Variants in SKAP2 observed in about 807,000 individuals in gnomAD.
SKAP2 encodes src kinase associated phosphoprotein 2.
SKAP2 carries 28 observed loss-of-function variants against 54.9 expected under a neutral mutation model. The observed-to-expected ratio is 0.51, with a 90% CI of 0.38 to 0.70. The LOEUF (loss-of-function observed/expected upper bound fraction) is 0.70. SKAP2 is among the 30% of genes least tolerant of loss of function. SKAP2 has a pLI of 0.00. For missense variants in SKAP2, 356 were observed against 424.1 expected, an observed-to-expected ratio of 0.84 and a Z score of 1.41; for synonymous variants, 137 against 134.3, an observed-to-expected ratio of 1.02 and a Z score of -0.14.
chr7:26,807,343 C>T (rs532018363), intron 4 of SKAP2, among the ~76,000 whole-genome samples: 4 of 152,234 alleles, frequency 2.6e-5, no homozygotes, highest in African/African-American at 9.6e-5. Context: ...ATTGGATCAT[C>T]GGGGAAGTGG....
chr7:26,789,650 C>T (rs959302521), intron 4 of SKAP2, among the ~76,000 whole-genome samples: 1 of 152,100 alleles, frequency 6.6e-6, no homozygotes, highest in African/African-American at 2.4e-5. Flanking sequence ...TCATCATAGG[C>T]CGCCAAATAT....
At chr7:26,764,438 G>A (rs999858927) in intron 4 of SKAP2, among the ~76,000 whole-genome samples, 2 of 151,778 alleles carry the variant, frequency 1.3e-5, no homozygotes, top group African/African-American at 2.4e-5. Context: ...TAAAATGAGA[G>A]GCATAGACTA....
intron 9 of SKAP2, among the ~76,000 whole-genome samples, chr7:26,693,094 G>A (rs974468993): frequency 5.9e-5 from 9 of 152,088 alleles, no homozygotes; most frequent in African/African-American, 1.9e-4. Flanking sequence ...CACTTTGAGA[G>A]GCCCAGGCGG....
intron 4 of SKAP2, among the ~76,000 whole-genome samples, chr7:26,811,639 A>AT (rs1318072069): frequency 2.0e-5 from 3 of 152,280 alleles, no homozygotes; most frequent in African/African-American, 7.2e-5. Context: ...AATAAAACAG[A>AT]TCCCCCCTCC....
chr7:26,772,230 T>A (rs1783203775), intron 4 of SKAP2, among the ~76,000 whole-genome samples: 1 of 152,190 alleles, frequency 6.6e-6, no homozygotes. Flanking sequence ...CACTTTGTTT[T>A]TTCACCTTTT....
intron 4 of SKAP2, among the ~76,000 whole-genome samples, chr7:26,777,933 G>A (rs1783347423): frequency 6.6e-6 from 1 of 151,718 alleles, no homozygotes; most frequent in South Asian, 2.1e-4. Context: ...TAAATGAACT[G>A]ATTATAGGTA....
At chr7:26,803,135 A>G (rs747591129) in intron 4 of SKAP2, among the ~76,000 whole-genome samples, 2 of 152,172 alleles carry the variant, frequency 1.3e-5, no homozygotes, top group African/African-American at 2.4e-5. Flanking sequence ...ACATCAAGTT[A>G]AAAAGCTTCT....
intron 4 of SKAP2, among the ~76,000 whole-genome samples, chr7:26,762,472 T>G (rs1057281219): frequency 6.6e-6 from 1 of 152,094 alleles, no homozygotes; most frequent in African/African-American, 2.4e-5. Flanking sequence ...CATATGTACA[T>G]GTATCATCCA....
rs1250934163 is a variant in SKAP2, at chr7:26,863,986, T to C, written c.67+377A>G. 2.0e-5 allele frequency among the ~76,000 whole-genome samples: 3 copies of C among 151,820 alleles called. No individual in the cohort carries two copies. In the East Asian group the frequency reaches 5.8e-4, roughly 29 times the overall value. On this transcript the variant is annotated intron_variant, in intron 1 of 12. Transcript: ENST00000345317. Reference sequence around the variant, plus strand: ...TATTTGACTTCTGCTCCCTTCTGCTTGCTCACGCAGCATTCATTATCATTA... The same window carrying C: ...TATTTGACTTCTGCTCCCTTCTGCTCGCTCACGCAGCATTCATTATCATTA...
chr7:26,725,689 C>T, intron 8 of SKAP2, 124 bp from the exon 9 acceptor site: 2 of 1,025,512 alleles, frequency 2.0e-6, no homozygotes, highest in Non-Finnish European at 2.8e-6. Context: ...ATGTCCTTAA[C>T]TAAAAACATG....
At position 26,804,011 on chromosome 7, in the gene SKAP2, GA is replaced by G. The variant is rs1209377453; in HGVS notation, c.307+40018del. Among the ~76,000 whole-genome samples, 12 of 152,140 alleles carry G rather than the reference GA, an allele frequency of 7.9e-5. No homozygotes were observed. The South Asian group carries it at 2.3e-3, about 29-fold the overall frequency. ...ATTGGAGGGGGAGGTTAATGGGTAT[GA>G]AAAAAATAGAAAGAATGAATAAGAC... On this transcript the variant is annotated intron_variant, in intron 4 of 12. Coordinates refer to ENST00000345317, the MANE Select transcript of SKAP2 (RefSeq NM_003930.5).
intron 4 of SKAP2, among the ~76,000 whole-genome samples, chr7:26,838,375 T>A (rs1381490295): frequency 6.6e-6 from 1 of 152,156 alleles, no homozygotes; most frequent in Non-Finnish European, 1.5e-5. Flanking sequence ...ACTGCCACCA[T>A]TCAATTTACT....
At chr7:26,695,324 A>T (rs879930402) in intron 9 of SKAP2, among the ~76,000 whole-genome samples, 2 of 152,210 alleles carry the variant, frequency 1.3e-5, no homozygotes, top group African/African-American at 2.4e-5. Context: ...GGAAATGTGA[A>T]TATTTATTGC....
chr7:26,680,833 G>A (rs1781101061), intron 11 of SKAP2, among the ~76,000 whole-genome samples: 1 of 152,110 alleles, frequency 6.6e-6, no homozygotes, highest in African/African-American at 2.4e-5. Context: ...TCACATGATA[G>A]CTGCTAATTG....
intron 4 of SKAP2, among the ~76,000 whole-genome samples, chr7:26,802,102 A>C (rs985571936): frequency 6.6e-6 from 1 of 152,160 alleles, no homozygotes; most frequent in African/African-American, 2.4e-5. Flanking sequence ...ACTTCAAATC[A>C]TACTACAGAG....
Position 26,695,170 on chromosome 7 carries a change from C to A in SKAP2, c.797-4808G>T, listed in dbSNP as rs575800020. 7.9e-4 allele frequency among the ~76,000 whole-genome samples: 121 copies of A among 152,296 alleles called. 2 individuals are homozygous for A. The highest frequency in any genetic ancestry group is 1.5e-3 in the Non-Finnish European group (99 of 68,024). On this transcript the variant is annotated intron_variant, in intron 9 of 12. Coordinates refer to ENST00000345317, the MANE Select transcript of SKAP2 (RefSeq NM_003930.5). ...ACTTACATAATGATCACCTTTCTCA[C>A]TAAATACCCTCAGAAAACAGCTTTA...
chr7:26,682,956 G>A (rs1428884802), intron 11 of SKAP2, among the ~76,000 whole-genome samples: 2 of 152,100 alleles, frequency 1.3e-5, no homozygotes, highest in African/African-American at 2.4e-5. Flanking sequence ...TCTGGAAGCC[G>A]GTGCTCTACC....
rs868671995 is a variant in SKAP2, at chr7:26,725,987, C to G, written c.595-1G>C. The G allele has an allele frequency of 1.2e-6, 2 of 1,604,822 alleles. No individual in the cohort carries two copies. The highest frequency in any genetic ancestry group is 1.7e-6 in the Non-Finnish European group (2 of 1,173,528). On this transcript the variant is annotated splice_acceptor_variant, in intron 7 of 12. Transcript: ENST00000345317. LOFTEE classifies it high-confidence loss of function. ...CATCTTTGGGAGAAGCTGCTGTAAA[C>G]TAATATAAAACAAACAGTAAGAACG...
chr7:26,712,847 G>A (rs1787339673), intron 9 of SKAP2, among the ~76,000 whole-genome samples: 1 of 152,194 alleles, frequency 6.6e-6, no homozygotes. Flanking sequence ...TGATGTGGAA[G>A]GTATAAAGTT....
Sources: allele counts gnomAD v4.1 joint callset (sites outside exome capture counted in the v4.1 genomes callset), GRCh38; gene constraint gnomAD v4.1.1; transcripts MANE v1.5; gene names NCBI Gene and HGNC (gene_info 2026-07-23, HGNC 2026-07-21).